Variants in BIRC6 observed in about 807,000 individuals in gnomAD.
The protein encoded by BIRC6 is baculoviral IAP repeat containing 6, also known as dual E2 ubiquitin-conjugating enzyme/E3 ubiquitin-protein ligase BIRC6.
BIRC6 carries 98 observed loss-of-function variants against 503.3 expected under a neutral mutation model. The observed-to-expected ratio is 0.19, with a 90% CI of 0.17 to 0.23. BIRC6 has a LOEUF of 0.23. Among genes scored for constraint, BIRC6 ranks in the 10% least tolerant of loss-of-function variants. The pLI, the probability that BIRC6 is intolerant of heterozygous loss-of-function variation, is 1.00. For synonymous variants in BIRC6, 2,240 were observed against 2,078.7 expected (o/e 1.08, Z -2.11); for missense variants, 5,360 against 5,806.0 (o/e 0.92, Z 2.50).
intron 20 of BIRC6, among the ~76,000 whole-genome samples, chr2:32,444,249 T>G (rs544917406): frequency 2.0e-5 from 3 of 152,252 alleles, no homozygotes; most frequent in Admixed American, 2.0e-4. Context: ...GTGGTATATT[T>G]CAGAATAGTT....
chr2:32,410,260 C>T (rs558635201), intron 9 of BIRC6, among the ~76,000 whole-genome samples: 1 of 152,208 alleles, frequency 6.6e-6, no homozygotes, highest in South Asian at 2.1e-4. Context: ...TTGATCGCGC[C>T]ACTGCACTCC....
In BIRC6 at chr2:32,415,312, G is replaced by A. The variant is rs79894494; in HGVS notation, c.2021G>A (p.Ser674Asn). The change falls in exon 10 of 74, where the codon AGT becomes AAT. Residue 674 changes from serine to asparagine, a missense_variant. This residue lies in a region of BIRC6 where 700 missense variants were observed against 739.3 expected (regional missense o/e 0.95). Coordinates refer to ENST00000421745, the MANE Select transcript of BIRC6 (RefSeq NM_016252.4). ...VPQIIEMELD[S>N]QEQLLLQDPP... Reference sequence around the variant, plus strand: ...CAGATTATTGAAATGGAGCTGGATAGTCAGGAGCAGTTGTTATTGCAGGAT... The same window carrying A: ...CAGATTATTGAAATGGAGCTGGATAATCAGGAGCAGTTGTTATTGCAGGAT... 1 of 1,614,056 alleles carries A rather than the reference G, an allele frequency of 6.2e-7. No homozygotes were observed. Among genetic ancestry groups the A allele is most frequent in the Non-Finnish European group, 8.5e-7 (1 of 1,179,892 alleles).
At chr2:32,479,697 A>G (rs1572514213) in intron 37 of BIRC6, 80 bp downstream of exon 37, 1 of 1,284,094 alleles carries the variant, frequency 7.8e-7, no homozygotes, top group East Asian at 2.6e-5. Flanking sequence ...GAGAAAAATA[A>G]AGTTGATTTT....
chr2:32,537,612 A>G lies in BIRC6; in HGVS notation c.12292-5629A>G, dbSNP rs2057337614. Among the ~76,000 whole-genome samples the G allele has an allele frequency of 2.0e-5, 3 of 152,182 alleles. No individual in the cohort carries two copies. In the South Asian group the frequency reaches 6.2e-4, roughly 31 times the overall value. ...AAAAATCAGTGATGGCAGAATAAAA[A>G]GTATGGGATTAACTCTGTTGTCTCT... On this transcript the variant is annotated intron_variant, in intron 61 of 73. Coordinates refer to ENST00000421745, the MANE Select transcript of BIRC6 (RefSeq NM_016252.4).
rs2039774657 is a variant in BIRC6 at position 32,395,492 on chromosome 2, T to C, written c.952-19T>C. On this transcript the variant is annotated intron_variant, in intron 5 of 73. Transcript: ENST00000421745. ...ATAATGATTTACCTTTTCTGTCTCTTTTCTTTATAATTTTGCAGCCTGCCT... is the reference window on the plus strand; with the variant it reads ...ATAATGATTTACCTTTTCTGTCTCTCTTCTTTATAATTTTGCAGCCTGCCT... 2 of 1,562,348 alleles carry C rather than the reference T, an allele frequency of 1.3e-6. No individual in the cohort carries two copies. The highest frequency in any genetic ancestry group is 1.8e-6 in the Non-Finnish European group (2 of 1,137,940).
At chr2:32,557,122 C>T (rs943871513) in intron 65 of BIRC6, among the ~76,000 whole-genome samples, 2 of 152,186 alleles carry the variant, frequency 1.3e-5, no homozygotes, top group African/African-American at 4.8e-5. Context: ...ATCTTTACAA[C>T]TGCTTAACTA....
At position 32,430,962 on chromosome 2, in the gene BIRC6, G is replaced by A. The variant is rs565141766; in HGVS notation, c.3120G>A (p.Ala1040=). The stretch of plus-strand genomic sequence containing the variant: ...AGACTTTGACTCCAAGGTTTTCAGC[G>A]ACTGTTCCTCCATGCTGGGTAGAAG... ...RFETLTPRFS[A]TVPPCWVEVQ... The change falls in exon 12 of 74, where the codon GCG becomes GCA. Residue 1040 remains alanine (A), a synonymous_variant. Coordinates refer to ENST00000421745, the MANE Select transcript of BIRC6 (RefSeq NM_016252.4). 89 of 1,613,222 alleles carry A rather than the reference G, an allele frequency of 5.5e-5. No individual in the cohort carries two copies. Among genetic ancestry groups the A allele is most frequent in the Non-Finnish European group, 6.5e-5 (77 of 1,179,738 alleles).
In BIRC6 at chr2:32,454,786, A is replaced by C. The variant is rs183160873; in HGVS notation, c.4753+844A>C. Among the ~76,000 whole-genome samples, 40 of 152,276 alleles carry C rather than the reference A, an allele frequency of 2.6e-4. No homozygotes were observed. In the East Asian group the frequency reaches 3.7e-3, roughly 14 times the overall value. ...TTTAAAAGGAATTTATCAGTTCTTT[A>C]TTTGAGTGTCTTTTTGTTAGGAATT... On this transcript the variant is annotated intron_variant, in intron 23 of 73. Transcript: ENST00000421745.
intron 44 of BIRC6, among the ~76,000 whole-genome samples, chr2:32,491,796 C>A (rs2051752314): frequency 6.6e-6 from 1 of 152,036 alleles, no homozygotes; most frequent in Non-Finnish European, 1.5e-5. Context: ...ATATTTTTGG[C>A]ATTAATTTTG....
chr2:32,582,434 TCAC>T (rs1176186172), intron 66 of BIRC6, among the ~76,000 whole-genome samples: 2 of 152,124 alleles, frequency 1.3e-5, no homozygotes, highest in Non-Finnish European at 2.9e-5. Flanking sequence ...TGCAGCCATA[TCAC>T]TGAACTTTCT....
chr2:32,486,544 G>T (rs2051012686), intron 40 of BIRC6, among the ~76,000 whole-genome samples: 1 of 152,128 alleles, frequency 6.6e-6, no homozygotes, highest in African/African-American at 2.4e-5. Flanking sequence ...CTTAGAAGAG[G>T]GTGCTGGTTT....
Position 32,414,921 on chromosome 2 carries a change from T to C in BIRC6, c.1630T>C (p.Leu544=), listed in dbSNP as rs534279189. ...DLEELGANPC[L]TNSKSEKTKE... is the part of the protein sequence containing the mutation. ...TGAAGAACTTGGGGCAAATCCTTGT[T>C]TAACAAACTCTAAGAGTGAAAAGAC... The change falls in exon 10 of 74, where the codon TTA becomes CTA. Residue 544 remains leucine, a synonymous_variant. Coordinates refer to ENST00000421745, the MANE Select transcript of BIRC6 (RefSeq NM_016252.4). The C allele has an allele frequency of 1.9e-6, 3 of 1,613,958 alleles. No homozygotes were observed. Among genetic ancestry groups the C allele is most frequent in the Middle Eastern group, 1.6e-4 (1 of 6,062 alleles).
rs114178914 is a variant in BIRC6 at position 32,471,363 on chromosome 2, G to A, written c.6592+239G>A. ...TGGACATGACTTTTAGTTTCTAAAT[G>A]CAGCTATGACTTTTGCAAGGTGTCT... On this transcript the variant is annotated intron_variant, in intron 32 of 73. Transcript: ENST00000421745. 8.4e-3 allele frequency among the ~76,000 whole-genome samples: 1,282 copies of A among 152,316 alleles called. 8 individuals are homozygous for A. Among genetic ancestry groups the A allele is most frequent in the Middle Eastern group, 0.014 (4 of 294 alleles).
At position 32,464,729 on chromosome 2, in the gene BIRC6, A is replaced by G. The variant is rs1234913241; in HGVS notation, c.5162A>G (p.Asn1721Ser). 6.2e-7 allele frequency: 1 copy of G among 1,613,904 alleles called. No individual in the cohort carries two copies. Among genetic ancestry groups the G allele is most frequent in the African/African-American group, 1.3e-5 (1 of 74,920 alleles). ...PPNEAVSVVI[N>S]AELAQLFPGS... Reference sequence around the variant, plus strand: ...AATGAAGCAGTTTCCGTTGTGATTAATGCCGAACTTGCACAGCTTTTCCCA... The same window carrying G: ...AATGAAGCAGTTTCCGTTGTGATTAGTGCCGAACTTGCACAGCTTTTCCCA... Residue 1721 changes from asparagine to serine, a missense_variant, in exon 25 of 74, where the codon AAT becomes AGT. Around this residue, in one of 16 missense-constraint regions of BIRC6, gnomAD observed 2,299 missense variants for 2,267.2 expected, o/e 1.01. Transcript: ENST00000421745.
chr2:32,515,840 G>A lies in BIRC6; in HGVS notation c.11349+70G>A. On this transcript the variant is annotated intron_variant, in intron 55 of 73. Coordinates refer to ENST00000421745, the MANE Select transcript of BIRC6 (RefSeq NM_016252.4). ...AGAAAGGGCCATGTATAAAGGCCAG[G>A]TAATAATAAATTTAGTGAGGGTTGA... The A allele has an allele frequency of 2.9e-6, 4 of 1,378,364 alleles. No individual in the cohort carries two copies. The South Asian group carries it at 4.3e-5, about 15-fold the overall frequency. The allele number at this position is 1,378,364 out of a possible 1,614,324, so 85.4% of individuals were successfully genotyped here.
chr2:32,467,930 A>G lies in BIRC6; in HGVS notation c.5599A>G (p.Thr1867Ala), dbSNP rs750662522. ...CACTGTTATTGGACGTTACGGGAGT[A>G]CAAATGCCAGAGCCAAAATCCCATT... ...KITVIGRYGS[T>A]NARAKIPLGF... Residue 1867 changes from threonine to alanine, a missense_variant, in exon 28 of 74, where the codon ACA (threonine) becomes GCA (alanine). By Grantham distance (58) the Thr-to-Ala change is moderately conservative (BLOSUM62 0). Coordinates refer to ENST00000421745, the MANE Select transcript of BIRC6 (RefSeq NM_016252.4). 4.3e-6 allele frequency: 7 copies of G among 1,613,500 alleles called. No homozygotes were observed. Among genetic ancestry groups the G allele is most frequent in the African/African-American group, 1.3e-5 (1 of 75,042 alleles).
At chr2:32,365,351 G>T (rs1024312318) in intron 1 of BIRC6, among the ~76,000 whole-genome samples, 1 of 141,760 alleles carries the variant, frequency 7.1e-6, no homozygotes. Flanking sequence ...TTGAGAGGTC[G>T]CCCTGTCGCC....
chr2:32,555,361 C>G (rs2058699490), intron 65 of BIRC6, among the ~76,000 whole-genome samples: 2 of 152,100 alleles, frequency 1.3e-5, no homozygotes, highest in African/African-American at 4.8e-5. Flanking sequence ...CTAAAATAGG[C>G]CGGGTGAAGT....
At chr2:32,591,923 AT>A (rs1288293315) in intron 66 of BIRC6, among the ~76,000 whole-genome samples, 2 of 152,180 alleles carry the variant, frequency 1.3e-5, no homozygotes, top group Non-Finnish European at 2.9e-5. Flanking sequence ...TTTGACACTG[AT>A]TGTTATTAGC....
Sources: allele counts gnomAD v4.1 joint callset (sites outside exome capture counted in the v4.1 genomes callset), GRCh38; gene constraint gnomAD v4.1.1; regional missense constraint gnomAD v4.1.1; transcripts MANE v1.5; gene names NCBI Gene and HGNC (gene_info 2026-07-23, HGNC 2026-07-21).